The following KMT2C variants were observed in gnomAD, a reference collection of about 807,000 sequenced individuals.
KMT2C encodes the protein lysine methyltransferase 2C.
A neutral mutation model predicts 507.9 loss-of-function variants in KMT2C; 88 were observed. The observed-to-expected ratio is 0.17, with a 90% confidence interval of 0.15 to 0.21. KMT2C has a LOEUF of 0.21. Among genes scored for constraint, KMT2C ranks in the 10% least tolerant of loss-of-function variants. The pLI is 1.00. For missense variants in KMT2C, 4,954 were observed against 5,957.8 expected (o/e 0.83, Z 5.55); for synonymous variants, 2,049 against 2,080.8 (o/e 0.98, Z 0.42).
At chr7:152,267,779 T>C (rs1280588535) in intron 7 of KMT2C, among the ~76,000 whole-genome samples, 3 of 152,176 alleles carry the variant, frequency 2.0e-5, no homozygotes, top group Non-Finnish European at 2.9e-5. Flanking sequence ...ATTTTTCACC[T>C]AAAAGAAAAT....
intron 13 of KMT2C, among the ~76,000 whole-genome samples, chr7:152,249,468 CAT>C (rs945078518): frequency 5.9e-5 from 9 of 151,570 alleles, no homozygotes; most frequent in Admixed American, 1.3e-4. Flanking sequence ...GGACTGCACA[CAT>C]GTGTCACCAT....
At chr7:152,191,057 T>C (rs949233221) in intron 31 of KMT2C, among the ~76,000 whole-genome samples, 7 of 152,212 alleles carry the variant, frequency 4.6e-5, no homozygotes, top group African/African-American at 1.7e-4. Context: ...TCAGATGAGT[T>C]AAGCATATAC....
chr7:152,296,997 A>AAAAGAAAGAAAGAAGGAAAG (rs2096506134), intron 6 of KMT2C, among the ~76,000 whole-genome samples: 2 of 59,008 alleles, frequency 3.4e-5, no homozygotes, highest in South Asian at 6.9e-4. Context: ...GAAAGAAAGA[A>AAAAGAAAGAAAGAAGGAAAG]AAAGAAAGAA....
intron 2 of KMT2C, among the ~76,000 whole-genome samples, chr7:152,347,345 T>C (rs1029931122): frequency 1.3e-5 from 2 of 152,210 alleles, no homozygotes; most frequent in Non-Finnish European, 2.9e-5. Flanking sequence ...GCATCATTAG[T>C]GGCACTTCAT....
rs191554215 is a variant in KMT2C, at chr7:152,428,250, T to C, written c.161+7376A>G. Reference sequence around the variant, plus strand: ...GGTGGTCCGCAGATTAAACCTAGCCTACAAAGTATAGGCGCAAATACCGTT... The same window carrying C: ...GGTGGTCCGCAGATTAAACCTAGCCCACAAAGTATAGGCGCAAATACCGTT... On this transcript the variant is annotated intron_variant, in intron 1 of 58. Transcript: ENST00000262189. 3.2e-4 allele frequency among the ~76,000 whole-genome samples: 49 copies of C among 152,144 alleles called. No individual in the cohort carries two copies. In the East Asian group the frequency reaches 7.1e-3, roughly 22 times the overall value.
At chr7:152,277,939 A>T (rs1480519160) in intron 6 of KMT2C, among the ~76,000 whole-genome samples, 10 of 152,216 alleles carry the variant, frequency 6.6e-5, no homozygotes, top group Non-Finnish European at 1.2e-4. Context: ...ACACATATAC[A>T]TATTTTACAT....
chr7:152,231,792 AGAAG>A (rs760048169), intron 16 of KMT2C, among the ~76,000 whole-genome samples: 21 of 151,814 alleles, frequency 1.4e-4, no homozygotes, highest in African/African-American at 4.6e-4. Context: ...AAAAAAAAAA[AGAAG>A]GAAGGAAGTT....
At chr7:152,160,359 G>A (rs1311692322) in intron 43 of KMT2C, among the ~76,000 whole-genome samples, 1 of 151,900 alleles carries the variant, frequency 6.6e-6, no homozygotes, top group Non-Finnish European at 1.5e-5. Flanking sequence ...AGAAATACCG[G>A]GGCTGGAGCC....
intron 23 of KMT2C, among the ~76,000 whole-genome samples, chr7:152,213,167 T>A (rs1280215823): frequency 6.6e-6 from 1 of 152,148 alleles, no homozygotes; most frequent in Non-Finnish European, 1.5e-5. Context: ...TTCAATGCAA[T>A]CCCTATCAAA....
chr7:152,275,753 G>A (rs150934224), intron 6 of KMT2C, among the ~76,000 whole-genome samples: 90 of 152,174 alleles, frequency 5.9e-4, no homozygotes, highest in African/African-American at 2.0e-3. Flanking sequence ...GAAAGACCAC[G>A]TAAATGTCGA....
intron 14 of KMT2C, among the ~76,000 whole-genome samples, chr7:152,239,530 T>C (rs1326426276): frequency 1.3e-5 from 2 of 152,314 alleles, no homozygotes; most frequent in African/African-American, 2.4e-5. Context: ...TGTCCTAAAT[T>C]TGCAAATTAA....
rs1226957318 is a variant in KMT2C at position 152,147,723 on chromosome 7, A to AG, written c.13894+309_13894+310insC. On this transcript the variant is annotated intron_variant, in intron 52 of 58. Coordinates refer to ENST00000262189, the MANE Select transcript of KMT2C (RefSeq NM_170606.3). ...ACTCCGTCTCAAAAAAAAAAAAAAA[A>AG]AAAAAGAAAAAGAAAAAGAAAAAGG... Among the ~76,000 whole-genome samples, 47 of 133,992 alleles carry AG rather than the reference A, an allele frequency of 3.5e-4. 1 individual carries two copies. The highest frequency in any genetic ancestry group is 3.5e-3 in the Middle Eastern group (1 of 282). 87.9% of individuals were successfully genotyped at this position (133,992 alleles called of 152,430 possible).
chr7:152,419,241 C>T (rs573091581), intron 1 of KMT2C, among the ~76,000 whole-genome samples: 28 of 152,116 alleles, frequency 1.8e-4, no homozygotes, highest in Non-Finnish European at 2.2e-4. Context: ...ATCCCAGCTA[C>T]TCAGGAGGCT....
chr7:152,427,565 C>T (rs1189796078), intron 1 of KMT2C, among the ~76,000 whole-genome samples: 1 of 152,074 alleles, frequency 6.6e-6, no homozygotes, highest in Non-Finnish European at 1.5e-5. Context: ...TTTGTTGTTG[C>T]CAACTTTTCT....
chr7:152,343,815 C>T (rs974165394), intron 2 of KMT2C, among the ~76,000 whole-genome samples: 3 of 152,036 alleles, frequency 2.0e-5, no homozygotes, highest in African/African-American at 7.2e-5. Context: ...GCAAAATTAT[C>T]CTTCAAAAGT....
Position 152,303,483 on chromosome 7 carries a change from C to T in KMT2C, c.849+6483G>A, listed in dbSNP as rs183545933. Among the ~76,000 whole-genome samples, 102 of 152,296 alleles carry T rather than the reference C, an allele frequency of 6.7e-4. 1 individual carries two copies. The highest frequency in any genetic ancestry group is 2.2e-3 in the African/African-American group (92 of 41,572). On this transcript the variant is annotated intron_variant, in intron 6 of 58. Transcript: ENST00000262189. Reference sequence around the variant, plus strand: ...CCTTCATTGACAAATCCCATTAATGCATGTATTTATCCCATTAGTGACTCT... The same window carrying T: ...CCTTCATTGACAAATCCCATTAATGTATGTATTTATCCCATTAGTGACTCT...
At chr7:152,139,096 T>A in intron 57 of KMT2C, 90 bp downstream of exon 57, 2 of 1,278,882 alleles carry the variant, frequency 1.6e-6, no homozygotes, top group Non-Finnish European at 2.3e-6. Context: ...CAGGCTGCCG[T>A]GAGAGCCTTT....
chr7:152,172,764 A>G (rs1269606346), intron 39 of KMT2C, among the ~76,000 whole-genome samples: 2 of 152,164 alleles, frequency 1.3e-5, no homozygotes, highest in Admixed American at 6.5e-5. Context: ...AGAAACTACA[A>G]TATTATTAGC....
At position 152,252,718 on chromosome 7, in the gene KMT2C, A is replaced by G. The variant is rs1588610350; in HGVS notation, c.1300-3T>C. On this transcript the variant is annotated splice_polypyrimidine_tract_variant and splice_region_variant and intron_variant, in intron 9 of 58. Transcript: ENST00000262189. ...CACTCTATACATATTCTGCAATTCTAAACACCAGGAAAAATAAAAACAAAA... is the reference window on the plus strand; with the variant it reads ...CACTCTATACATATTCTGCAATTCTGAACACCAGGAAAAATAAAAACAAAA... The G allele has an allele frequency of 1.3e-6, 2 of 1,578,892 alleles. No homozygotes were observed. Among genetic ancestry groups the G allele is most frequent in the Non-Finnish European group, 1.7e-6 (2 of 1,157,050 alleles).
Sources: gnomAD v4.1 joint callset for allele counts (sites outside exome capture counted in the v4.1 genomes callset) on GRCh38, gnomAD v4.1.1 for gene constraint, MANE v1.5 for transcripts, NCBI Gene and HGNC (gene_info 2026-07-23, HGNC 2026-07-21) for gene names.